Variants in ALDH18A1 observed in about 807,000 individuals in gnomAD.
ALDH18A1 encodes the protein aldehyde dehydrogenase 18 family member A1, also known as delta-1-pyrroline-5-carboxylate synthase.
In ALDH18A1, 44 loss-of-function variants were observed where a neutral mutation model predicts 88.8. The observed-to-expected ratio is 0.50, with a 90% CI of 0.39 to 0.64. ALDH18A1 has a LOEUF of 0.64. ALDH18A1 is among the 30% of genes least tolerant of loss of function. ALDH18A1 has a pLI of 0.00. For synonymous variants in ALDH18A1, 331 were observed against 372.1 expected (o/e 0.89, Z 1.27); for missense variants, 782 against 1,009.5 (o/e 0.77, Z 3.05).
intron 1 of ALDH18A1, among the ~76,000 whole-genome samples, chr10:95,655,681 AGTGTGTGTGTGTGTGT>A (rs3838754): frequency 1.3e-5 from 2 of 150,168 alleles, no homozygotes; most frequent in African/African-American, 4.9e-5. Flanking sequence ...GAGCAAAGAG[AGTGTGTGTGTGTGTGT>A]GTGTGTGTGT....
intron 6 of ALDH18A1, 66 bp downstream of exon 6, chr10:95,633,425 G>T: frequency 6.3e-7 from 1 of 1,578,620 alleles, no homozygotes. Context: ...TCTGGTGTTA[G>T]TGCATGCAGC....
chr10:95,621,321 T>TC (rs987623645), intron 11 of ALDH18A1, 70 bp from the exon 12 acceptor site: 86 of 234,282 alleles, frequency 3.7e-4, no homozygotes, highest in Non-Finnish European at 2.5e-4. Context: ...CCGATGTGTC[T>TC]TTTTTTTTTT....
chr10:95,633,693 G>A (rs2097875055), intron 5 of ALDH18A1, 44 bp from the exon 6 acceptor site: 50 of 1,603,452 alleles, frequency 3.1e-5, no homozygotes, highest in Non-Finnish European at 4.0e-5. Context: ...GGAGAAAAAC[G>A]CTAAACTTCC....
intron 17 of ALDH18A1, among the ~76,000 whole-genome samples, chr10:95,609,205 C>T (rs950238471): frequency 1.3e-5 from 2 of 152,140 alleles, no homozygotes; most frequent in African/African-American, 4.8e-5. Context: ...CCCCTGAAAA[C>T]GAGAGACTGT....
At chr10:95,623,571 CT>C (rs905598489) in intron 11 of ALDH18A1, among the ~76,000 whole-genome samples, 92 of 144,286 alleles carry the variant, frequency 6.4e-4, no homozygotes, top group Admixed American at 6.9e-4. Context: ...CCACGGCCGG[CT>C]TTTTTTTTTT....
At chr10:95,610,059 G>A (rs1031968267) in intron 17 of ALDH18A1, 138 bp downstream of exon 17, 22 of 838,562 alleles carry the variant, frequency 2.6e-5, no homozygotes, top group Admixed American at 4.1e-5. Flanking sequence ...CGTGAGCCAC[G>A]GCACCCAGCC....
At position 95,610,299 on chromosome 10, in the gene ALDH18A1, G is replaced by T. The variant is rs542177817; in HGVS notation, c.2111-7C>A. The T allele has an allele frequency of 1.1e-4, 185 of 1,613,660 alleles. 5 individuals are homozygous for T. The South Asian group carries it at 1.9e-3, about 17-fold the overall frequency. ...AAGAACTCCGCTGTGTTTTCTGCAG[G>T]GTGAAGAAGGAGAAACCAAGTTAGG... On this transcript the variant is annotated splice_region_variant and splice_polypyrimidine_tract_variant and intron_variant, in intron 16 of 17. Transcript: ENST00000371224.
intron 5 of ALDH18A1, 31 bp downstream of exon 5, chr10:95,637,062 C>T (rs956781140): frequency 1.2e-6 from 2 of 1,604,130 alleles, no homozygotes; most frequent in East Asian, 4.5e-5. Flanking sequence ...CCTCACAGGT[C>T]CCACACCCAT....
intron 15 of ALDH18A1, among the ~76,000 whole-genome samples, chr10:95,612,749 C>T (rs886878195): frequency 6.6e-6 from 1 of 152,222 alleles, no homozygotes; most frequent in Non-Finnish European, 1.5e-5. Flanking sequence ...GGAGAGCTTT[C>T]CTCCTGTCTA....
intron 11 of ALDH18A1, among the ~76,000 whole-genome samples, chr10:95,623,446 C>T (rs551127150): frequency 1.4e-4 from 22 of 152,074 alleles, no homozygotes; most frequent in African/African-American, 5.1e-4. Flanking sequence ...CTTGCTCTGC[C>T]GCTCAGGCTG....
intron 16 of ALDH18A1, among the ~76,000 whole-genome samples, 162 bp from the exon 17 acceptor site, chr10:95,610,454 C>T (rs1052752911): frequency 2.6e-5 from 4 of 152,206 alleles, no homozygotes; most frequent in Non-Finnish European, 5.9e-5. Flanking sequence ...AAAATCTCAA[C>T]AGGAAGAAGA....
At chr10:95,628,704 C>T in intron 7 of ALDH18A1, 1 of 571,518 alleles carries the variant, frequency 1.7e-6, no homozygotes, top group South Asian at 2.0e-5. Flanking sequence ...TATAACCTGG[C>T]TTAATAAATA....
At chr10:95,623,503 G>A (rs1284729835) in intron 11 of ALDH18A1, among the ~76,000 whole-genome samples, 1 of 151,778 alleles carries the variant, frequency 6.6e-6, no homozygotes, top group Non-Finnish European at 1.5e-5. Context: ...TGCCTCCTAG[G>A]TTCAAGCGAT....
chr10:95,609,740 T>G (rs1377549759), intron 17 of ALDH18A1, among the ~76,000 whole-genome samples: 1 of 150,510 alleles, frequency 6.6e-6, no homozygotes, highest in Non-Finnish European at 1.5e-5. Flanking sequence ...TTCTCCCTGA[T>G]AATCCTACCT....
At chr10:95,639,625 G>A (rs1233639808) in intron 3 of ALDH18A1, among the ~76,000 whole-genome samples, 1 of 151,414 alleles carries the variant, frequency 6.6e-6, no homozygotes, top group Non-Finnish European at 1.5e-5. Context: ...CCATTATCTG[G>A]AATATTTCAA....
chr10:95,653,345 C>A lies in ALDH18A1; in HGVS notation c.33G>T (p.Gln11His). 1 of 1,612,984 alleles carries A rather than the reference C, an allele frequency of 6.2e-7. No homozygotes were observed. Among genetic ancestry groups the A allele is most frequent in the East Asian group, 2.2e-5 (1 of 44,878 alleles). Reference sequence around the variant, plus strand: ...AGGGCAGAAGATGTTGGTTGAAGGGCTGGAACCCACAGCGGTAAACTTGAC... The same window carrying A: ...AGGGCAGAAGATGTTGGTTGAAGGGATGGAACCCACAGCGGTAAACTTGAC... MLSQVYRCGF[Q>H]PFNQHLLPWV... The change falls in exon 2 of 18, where the codon CAG (glutamine) becomes CAT (histidine). Residue 11 changes from glutamine (Q) to histidine (H), a missense_variant. Physicochemically the swap from Gln to His is conservative, Grantham distance 24 (BLOSUM62 0). Coordinates refer to ENST00000371224, the MANE Select transcript of ALDH18A1 (RefSeq NM_002860.4).
At chr10:95,612,867 T>C (rs2097837777) in intron 15 of ALDH18A1, among the ~76,000 whole-genome samples, 1 of 152,218 alleles carries the variant, frequency 6.6e-6, no homozygotes, top group Non-Finnish European at 1.5e-5. Flanking sequence ...TCTAACTTCC[T>C]TGTAATCCAT....
chr10:95,632,556 G>A (rs1343714650), intron 7 of ALDH18A1, among the ~76,000 whole-genome samples: 3 of 152,080 alleles, frequency 2.0e-5, no homozygotes, highest in African/African-American at 7.2e-5. Context: ...TAGAAACAGG[G>A]ACTCACTATA....
intron 12 of ALDH18A1, 29 bp downstream of exon 12, chr10:95,621,002 G>C: frequency 6.3e-7 from 1 of 1,598,872 alleles, no homozygotes; most frequent in Non-Finnish European, 8.6e-7. Context: ...CAATGGCAGG[G>C]TATTTATTCT....
Sources: allele counts gnomAD v4.1 joint callset (sites outside exome capture counted in the v4.1 genomes callset), GRCh38; gene constraint gnomAD v4.1.1; transcripts MANE v1.5; gene names NCBI Gene and HGNC (gene_info 2026-07-23, HGNC 2026-07-21).